The following SCFD2 variants were observed in gnomAD, a reference collection of about 807,000 sequenced individuals.
The protein encoded by SCFD2 is sec1 family domain containing 2, also known as sec1 family domain-containing protein 2.
Under a neutral mutation model 58.9 loss-of-function variants are expected in SCFD2, and 54 were observed. That is an observed-to-expected ratio of 0.92 (90% CI 0.74 to 1.15). The LOEUF (loss-of-function observed/expected upper bound fraction) is 1.15. Among genes scored for constraint, SCFD2 ranks in the 50% most tolerant of loss-of-function variants. SCFD2 has a pLI of 0.00. For missense variants in SCFD2, 805 were observed against 836.6 expected, an observed-to-expected ratio of 0.96 and a Z score of 0.47; for synonymous variants, 321 against 335.9, an observed-to-expected ratio of 0.96 and a Z score of 0.49.
chr4:53,248,157 G>A (rs1730177516), intron 4 of SCFD2, among the ~76,000 whole-genome samples: 1 of 152,190 alleles, frequency 6.6e-6, no homozygotes, highest in African/African-American at 2.4e-5. Context: ...AAGGAAAGGG[G>A]TGACAGACGG....
chr4:53,248,806 C>G (rs1311049120), intron 4 of SCFD2, among the ~76,000 whole-genome samples: 1 of 152,190 alleles, frequency 6.6e-6, no homozygotes, highest in Non-Finnish European at 1.5e-5. Context: ...CCCATCTGTA[C>G]ATCACCATCA....
rs200653985 is a variant in SCFD2 at position 53,290,345 on chromosome 4, T to C, written c.1136-16344A>G. Among the ~76,000 whole-genome samples, 7 of 151,866 alleles carry C rather than the reference T, an allele frequency of 4.6e-5. No individual in the cohort carries two copies. In the East Asian group the frequency reaches 1.4e-3, roughly 29 times the overall value. On this transcript the variant is annotated intron_variant, in intron 3 of 8. Transcript: ENST00000401642. Reference sequence around the variant, plus strand: ...TATTGCAAAAAAAATCACAAATATATGAAAATTACACAACATGCTCCTGAA... The same window carrying C: ...TATTGCAAAAAAAATCACAAATATACGAAAATTACACAACATGCTCCTGAA...
At chr4:53,216,425 T>C (rs901103961) in intron 4 of SCFD2, among the ~76,000 whole-genome samples, 1 of 152,250 alleles carries the variant, frequency 6.6e-6, no homozygotes, top group African/African-American at 2.4e-5. Context: ...TTTTCTAGTT[T>C]ATTTGCATAG....
Position 52,907,504 on chromosome 4 carries a change from AAGACATGTG to A in SCFD2, c.1786_1794del (p.His596_Ser598del). 6.2e-7 allele frequency: 1 copy of A among 1,614,082 alleles called. No individual in the cohort carries two copies. The highest frequency in any genetic ancestry group is 8.5e-7 in the Non-Finnish European group (1 of 1,179,934). On this transcript the variant is annotated inframe_deletion, in exon 7 of 9. Coordinates refer to ENST00000401642, the MANE Select transcript of SCFD2 (RefSeq NM_152540.4). ...GTTTTAAGGAGATCAGTGAGGCCTGAAGACATGTGTTCAATATCAACGGAATCTGGCCTC... is the reference window on the plus strand; with the variant it reads ...GTTTTAAGGAGATCAGTGAGGCCTGATTCAATATCAACGGAATCTGGCCTC...
intron 1 of SCFD2, 141 bp from the exon 2 acceptor site, chr4:53,352,907 T>A (rs1339825073): frequency 2.7e-5 from 19 of 705,746 alleles, no homozygotes; most frequent in Non-Finnish European, 4.3e-5. Context: ...TTGCCCTTCA[T>A]ACAGCTAATC....
intron 5 of SCFD2, among the ~76,000 whole-genome samples, chr4:53,039,466 T>C (rs1418371107): frequency 6.6e-6 from 1 of 152,166 alleles, no homozygotes; most frequent in East Asian, 1.9e-4. Flanking sequence ...CAAGGCCCTC[T>C]GTAATCTGAC....
chr4:53,055,395 T>G (rs572647366), intron 5 of SCFD2, among the ~76,000 whole-genome samples: 1 of 152,236 alleles, frequency 6.6e-6, no homozygotes, highest in African/African-American at 2.4e-5. Flanking sequence ...CTCTCTCCCC[T>G]GTGTTCACTT....
rs139435336 is a variant in SCFD2, at chr4:53,060,817, A to G, written c.1561+84516T>C. On this transcript the variant is annotated intron_variant, in intron 5 of 8. Coordinates refer to ENST00000401642, the MANE Select transcript of SCFD2 (RefSeq NM_152540.4). ...TTCAGGTTTAATTTCTAATAGATAA[A>G]CAGCAATAGATAAAATCCATATCAA... is the stretch of plus-strand genomic sequence containing the variant. 3.5e-3 allele frequency among the ~76,000 whole-genome samples: 530 copies of G among 152,288 alleles called. 1 individual carries two copies. The highest frequency in any genetic ancestry group is 0.012 in the African/African-American group (511 of 41,570).
In SCFD2 at chr4:53,231,683, T is replaced by C. The variant is rs557136225; in HGVS notation, c.1311+42143A>G. Reference sequence around the variant, plus strand: ...TGCTGATGGTGTATGCCTTGGTTGATAAATTCATCATATTTAAATAGGCAG... The same window carrying C: ...TGCTGATGGTGTATGCCTTGGTTGACAAATTCATCATATTTAAATAGGCAG... On this transcript the variant is annotated intron_variant, in intron 4 of 8. Transcript: ENST00000401642. 5.9e-5 allele frequency among the ~76,000 whole-genome samples: 9 copies of C among 152,260 alleles called. No individual in the cohort carries two copies. In the East Asian group the frequency reaches 1.5e-3, roughly 26 times the overall value.
intron 5 of SCFD2, among the ~76,000 whole-genome samples, chr4:52,936,658 G>C (rs1025307755): frequency 7.2e-5 from 11 of 152,104 alleles, no homozygotes; most frequent in Non-Finnish European, 1.3e-4. Flanking sequence ...GGCCCCTCTA[G>C]CTCTGACTTA....
chr4:52,930,918 C>T (rs1442643504), intron 5 of SCFD2, among the ~76,000 whole-genome samples: 7 of 152,248 alleles, frequency 4.6e-5, no homozygotes, highest in East Asian at 1.9e-4. Context: ...GTTCTATTAT[C>T]GGCTGTCACC....
intron 5 of SCFD2, among the ~76,000 whole-genome samples, chr4:53,099,694 G>A (rs143422354): frequency 0.015 from 2,266 of 152,186 alleles, 54 homozygotes; most frequent in African/African-American, 0.052. Context: ...GGAACTATTA[G>A]AGCAAGTACT....
chr4:52,917,235 C>G (rs755212739), intron 6 of SCFD2, among the ~76,000 whole-genome samples: 10 of 152,136 alleles, frequency 6.6e-5, no homozygotes, highest in Non-Finnish European at 1.5e-4. Flanking sequence ...CGTATTAATT[C>G]ACCAAATCAT....
At chr4:52,961,130 C>G (rs1450108339) in intron 5 of SCFD2, among the ~76,000 whole-genome samples, 1 of 152,174 alleles carries the variant, frequency 6.6e-6, no homozygotes, top group East Asian at 1.9e-4. Context: ...CCTCAGCTCC[C>G]GTGATTCAGA....
chr4:53,225,372 A>G (rs1395101276), intron 4 of SCFD2, among the ~76,000 whole-genome samples: 1 of 152,150 alleles, frequency 6.6e-6, no homozygotes, highest in African/African-American at 2.4e-5. Context: ...TTTTTTTCAT[A>G]TGCTTATTAG....
At chr4:52,937,098 C>G (rs1380471949) in intron 5 of SCFD2, among the ~76,000 whole-genome samples, 2 of 152,074 alleles carry the variant, frequency 1.3e-5, no homozygotes, top group Admixed American at 1.3e-4. Flanking sequence ...TACATGTGGC[C>G]AAAAAGGGCC....
intron 6 of SCFD2, among the ~76,000 whole-genome samples, chr4:52,916,312 G>A (rs1719602022): frequency 6.6e-6 from 1 of 152,240 alleles, no homozygotes; most frequent in Admixed American, 6.5e-5. Context: ...GCTCATGCCT[G>A]TAATCCCAGC....
chr4:53,062,733 G>A lies in SCFD2; in HGVS notation c.1561+82600C>T, dbSNP rs1030738068. 2.6e-5 allele frequency among the ~76,000 whole-genome samples: 4 copies of A among 152,060 alleles called. No individual in the cohort carries two copies. In the South Asian group the frequency reaches 6.2e-4, roughly 24 times the overall value. ...CAGCTCTTACAACTTTTATCCCATC[G>A]TGATATAAATGTAACACCAGGATAA... is the stretch of plus-strand genomic sequence containing the variant. On this transcript the variant is annotated intron_variant, in intron 5 of 8. Transcript: ENST00000401642.
chr4:53,063,410 C>G (rs966020717), intron 5 of SCFD2, among the ~76,000 whole-genome samples: 6 of 151,994 alleles, frequency 3.9e-5, no homozygotes, highest in Non-Finnish European at 8.8e-5. Context: ...GGAAAGATAT[C>G]ATAAATACAT....
Sources: gnomAD v4.1 joint callset for allele counts (sites outside exome capture counted in the v4.1 genomes callset) on GRCh38, gnomAD v4.1.1 for gene constraint, MANE v1.5 for transcripts, NCBI Gene and HGNC (gene_info 2026-07-23, HGNC 2026-07-21) for gene names.